The following TRIM66 variants were observed in gnomAD, a reference collection of about 807,000 sequenced individuals.
TRIM66 encodes the protein tripartite motif containing 66.
TRIM66 carries 99 observed loss-of-function variants against 148.2 expected under a neutral mutation model. The ratio of observed to expected loss-of-function variants is 0.67; its 90% CI spans 0.57 to 0.79. The LOEUF (loss-of-function observed/expected upper bound fraction) is 0.79. TRIM66 is among the 30% of genes least tolerant of loss of function. TRIM66 has a pLI of 0.00. For missense variants in TRIM66, 1,666 were observed against 1,697.9 expected, an observed-to-expected ratio of 0.98 and a Z score of 0.33; for synonymous variants, 616 against 635.9, an observed-to-expected ratio of 0.97 and a Z score of 0.47.
intron 6 of TRIM66, among the ~76,000 whole-genome samples, chr11:8,661,089 T>C (rs1210038965): frequency 6.6e-6 from 1 of 152,182 alleles, no homozygotes; most frequent in East Asian, 1.9e-4. Context: ...GCTAGAGGAT[T>C]TGGAAGCATA....
At chr11:8,657,958 G>A (rs1408026986) in intron 6 of TRIM66, among the ~76,000 whole-genome samples, 3 of 152,246 alleles carry the variant, frequency 2.0e-5, no homozygotes, top group Admixed American at 2.0e-4. Flanking sequence ...AGAAGCGACA[G>A]GTGAGACCAC....
intron 6 of TRIM66, among the ~76,000 whole-genome samples, chr11:8,669,662 C>A (rs571762314): frequency 6.6e-6 from 1 of 151,512 alleles, no homozygotes; most frequent in South Asian, 2.1e-4. Context: ...AAAAAAAACT[C>A]CTTTTGGGAT....
At chr11:8,660,619 A>G (rs1452525584) in intron 6 of TRIM66, among the ~76,000 whole-genome samples, 1 of 152,338 alleles carries the variant, frequency 6.6e-6, no homozygotes, top group Non-Finnish European at 1.5e-5. Flanking sequence ...AATATTTACT[A>G]TCTAGCCTTG....
In TRIM66 at chr11:8,640,913, G is replaced by C; in HGVS notation, c.1462C>G (p.Pro488Ala). Residue 488 changes from proline (P) to alanine (A), a missense_variant, in exon 14 of 25, where the codon CCA becomes GCA. Physicochemically the swap from Pro to Ala is conservative, Grantham distance 27 (BLOSUM62 -1). Coordinates refer to ENST00000646038, the MANE Select transcript of TRIM66 (RefSeq NM_001388022.1). ...KGQVPPPSIH[P>A]AHSFRQPPEM... is the part of the protein sequence containing the mutation. ...GGGGGCTGCCTGAAGCTGTGGGCTG[G>C]GTGTATGCTGGGTGGGGGGACCTGG... The C allele has an allele frequency of 1.3e-6, 2 of 1,550,840 alleles. No individual in the cohort carries two copies. The highest frequency in any genetic ancestry group is 1.7e-6 in the Non-Finnish European group (2 of 1,146,928).
chr11:8,627,768 T>C (rs955704649), intron 15 of TRIM66, among the ~76,000 whole-genome samples: 1 of 152,256 alleles, frequency 6.6e-6, no homozygotes, highest in African/African-American at 2.4e-5. Context: ...AAAGTCACTC[T>C]GGGATTTTCC....
At chr11:8,648,798 G>A (rs988013020) in intron 8 of TRIM66, among the ~76,000 whole-genome samples, 4 of 152,240 alleles carry the variant, frequency 2.6e-5, no homozygotes, top group African/African-American at 9.6e-5. Flanking sequence ...GCCAGAGGCT[G>A]AGGAAGGCGC....
In TRIM66 at chr11:8,616,645, T is replaced by C. The variant is rs2033739205; in HGVS notation, c.*1299A>G. ...GTTCCCATGGCTTCCAGAATGCTTCTCTCTGCATTCTAGGAGAACTAAGGC... is the reference window on the plus strand; with the variant it reads ...GTTCCCATGGCTTCCAGAATGCTTCCCTCTGCATTCTAGGAGAACTAAGGC... On this transcript the variant is annotated 3_prime_UTR_variant, in exon 25 of 25. Coordinates refer to ENST00000646038, the MANE Select transcript of TRIM66 (RefSeq NM_001388022.1). 6.6e-6 allele frequency: 1 copy of C among 152,240 alleles called. No homozygotes were observed. The highest frequency in any genetic ancestry group is 1.5e-5 in the Non-Finnish European group (1 of 68,058). 9.4% of individuals were successfully genotyped at this position (152,240 alleles called of 1,614,324 possible).
At chr11:8,628,636 A>AAAAAAAAAAAAAAAGAGAGAGAG (rs1555042270) in intron 15 of TRIM66, among the ~76,000 whole-genome samples, 49 of 93,352 alleles carry the variant, frequency 5.2e-4, no homozygotes, top group Non-Finnish European at 8.6e-4. Context: ...AAAAAAAAAA[A>AAAAAAAAAAAAAAAGAGAGAGAG]AGAGAGAGAA....
intron 24 of TRIM66, 51 bp from the exon 25 acceptor site, chr11:8,618,054 T>A: frequency 2.0e-6 from 3 of 1,513,986 alleles, no homozygotes; most frequent in Non-Finnish European, 2.7e-6. Flanking sequence ...GTAGGATTTA[T>A]TAACATGAAA....
chr11:8,663,371 A>G (rs1011999037), intron 6 of TRIM66: 2 of 152,218 alleles, frequency 1.3e-5, no homozygotes, highest in Non-Finnish European at 1.5e-5. Context: ...ACCAAACCCT[A>G]TATATACTAT....
At chr11:8,628,822 CTTTT>C (rs2035122311) in intron 15 of TRIM66, among the ~76,000 whole-genome samples, 1 of 151,584 alleles carries the variant, frequency 6.6e-6, no homozygotes, top group Non-Finnish European at 1.5e-5. Flanking sequence ...GTCCTGCTTT[CTTTT>C]ATCATCTCTT....
Position 8,638,660 on chromosome 11 carries a change from C to G in TRIM66, c.2304G>C (p.Val768=). 1 of 1,548,236 alleles carries G rather than the reference C, an allele frequency of 6.5e-7. No homozygotes were observed. The highest frequency in any genetic ancestry group is 8.7e-7 in the Non-Finnish European group (1 of 1,146,002). The change falls in exon 15 of 25, where the codon GTG becomes GTC. Residue 768 remains valine (V), a synonymous_variant. Coordinates refer to ENST00000646038, the MANE Select transcript of TRIM66 (RefSeq NM_001388022.1). The stretch of plus-strand genomic sequence containing the variant: ...AAACAGGCTCCTTCAGTACCTTTCT[C>G]ACCACATTTGGAGAGGAGTGCTGGA... ...STIQHSSPNV[V]RKHSTSLSIM...
At chr11:8,669,919 T>C (rs1444157548) in intron 6 of TRIM66, among the ~76,000 whole-genome samples, 3 of 152,150 alleles carry the variant, frequency 2.0e-5, no homozygotes, top group African/African-American at 7.2e-5. Context: ...GTACATTGTG[T>C]GTCATGGGGG....
intron 7 of TRIM66, among the ~76,000 whole-genome samples, chr11:8,650,517 G>C (rs547539745): frequency 4.6e-5 from 7 of 151,828 alleles, no homozygotes; most frequent in East Asian, 1.9e-4. Context: ...GGAGGAGGAG[G>C]AGCAGCAGCA....
intron 8 of TRIM66, among the ~76,000 whole-genome samples, chr11:8,649,277 T>C (rs2037139967): frequency 6.6e-6 from 1 of 151,826 alleles, no homozygotes; most frequent in African/African-American, 2.4e-5. Context: ...AGGTGGAGGT[T>C]GTAGTGAGCC....
At chr11:8,626,010 C>T (rs1031448186) in intron 15 of TRIM66, among the ~76,000 whole-genome samples, 2 of 152,196 alleles carry the variant, frequency 1.3e-5, no homozygotes, top group African/African-American at 4.8e-5. Flanking sequence ...CCAATCCGTA[C>T]AATCATTGGA....
intron 15 of TRIM66, among the ~76,000 whole-genome samples, chr11:8,635,077 C>A (rs771770560): frequency 2.0e-5 from 3 of 152,174 alleles, no homozygotes; most frequent in Non-Finnish European, 1.5e-5. Flanking sequence ...CAGGAAAATC[C>A]AGCAGGTAAG....
chr11:8,649,846 G>GA lies in TRIM66; in HGVS notation c.485dup (p.Cys163LeufsTer61), dbSNP rs2037200663. ...ACAGCCAGCGATTGCAGTAGGTGCA[G>GA]AGGATATGTGCTGCCCTCTTCTCCT... On this transcript the variant is annotated frameshift_variant, in exon 8 of 25. Transcript: ENST00000646038. LOFTEE classifies it high-confidence loss of function. 6.4e-7 allele frequency: 1 copy of GA among 1,551,588 alleles called. No individual in the cohort carries two copies. Among genetic ancestry groups the GA allele is most frequent in the Non-Finnish European group, 8.7e-7 (1 of 1,147,006 alleles).
chr11:8,622,370 A>G lies in TRIM66; in HGVS notation c.3080+446T>C, dbSNP rs563938032. On this transcript the variant is annotated intron_variant, in intron 18 of 24. Transcript: ENST00000646038. ...CACACACACACACACACACACATAT[A>G]TATATATATATATCTCCTACTTGTT... Among the ~76,000 whole-genome samples, 24 of 107,718 alleles carry G rather than the reference A, an allele frequency of 2.2e-4. 2 individuals carry two copies. The highest frequency in any genetic ancestry group is 6.8e-4 in the African/African-American group (22 of 32,388). The allele number at this position is 107,718 out of a possible 152,430, so 70.7% of individuals were successfully genotyped here. A position where few individuals can be genotyped will look rare whatever the true frequency, so the allele number is the denominator to read the frequency against.
Sources: gnomAD v4.1 joint callset for allele counts (sites outside exome capture counted in the v4.1 genomes callset) on GRCh38, gnomAD v4.1.1 for gene constraint, MANE v1.5 for transcripts, NCBI Gene and HGNC (gene_info 2026-07-23, HGNC 2026-07-21) for gene names.